The following SSR3 variants were observed in gnomAD, a reference collection of about 807,000 sequenced individuals.
SSR3 encodes the protein signal sequence receptor subunit 3.
In SSR3, 10 loss-of-function variants were observed where a neutral mutation model predicts 22.1. The observed-to-expected ratio is 0.45, with a 90% CI of 0.28 to 0.77. The LOEUF (loss-of-function observed/expected upper bound fraction) is 0.77, where lower values mean the gene tolerates loss of function less well. SSR3 is among the 30% of genes least tolerant of loss of function. SSR3 has a pLI of 0.13. For missense variants in SSR3, 181 were observed against 220.5 expected (o/e 0.82, Z 1.13); for synonymous variants, 104 against 82.5 (o/e 1.26, Z -1.42).
chr3:156,539,612 G>A lies in SSR3; in HGVS notation c.*3591C>T, dbSNP rs1172041576. 6.6e-6 allele frequency among the ~76,000 whole-genome samples: 1 copy of A among 151,856 alleles called. No individual in the cohort carries two copies. The highest frequency in any genetic ancestry group is 1.9e-4 in the East Asian group (1 of 5,200). ...GGCCAACGAGAAGTTAGCCTCTATC[G>A]CCCTGAAAATTTAAACCAACCCCCC... On this transcript the variant is annotated 3_prime_UTR_variant, in exon 5 of 5. Coordinates refer to ENST00000265044, the MANE Select transcript of SSR3 (RefSeq NM_007107.5).
Position 156,555,103 on chromosome 3 carries a change from G to C in SSR3, c.-14C>G, listed in dbSNP as rs975162316. 1.2e-6 allele frequency: 2 copies of C among 1,612,094 alleles called. No individual in the cohort carries two copies. Among genetic ancestry groups the C allele is most frequent in the African/African-American group, 2.7e-5 (2 of 74,918 alleles). ...TTTAGGAGCCATGGCGGAGCTGCAG[G>C]CGAGAACAGGGAACGTAGAGCCGGC... On this transcript the variant is annotated 5_prime_UTR_variant, in exon 1 of 5. Coordinates refer to ENST00000265044, the MANE Select transcript of SSR3 (RefSeq NM_007107.5).
In SSR3 at chr3:156,544,305, TAC is replaced by T; in HGVS notation, c.491+1_491+2del. On this transcript the variant is annotated splice_donor_variant, in intron 4 of 4. Coordinates refer to ENST00000265044, the MANE Select transcript of SSR3 (RefSeq NM_007107.5). LOFTEE classifies it high-confidence loss of function. ...AAAAGATAATCAACCTTGAAAAGGA[TAC>T]ACTGTGGGGTTGAAGTTCTTCAATA... 1 of 1,570,742 alleles carries T rather than the reference TAC, an allele frequency of 6.4e-7. No homozygotes were observed. Among genetic ancestry groups the T allele is most frequent in the Non-Finnish European group, 8.6e-7 (1 of 1,160,884 alleles).
intron 3 of SSR3, among the ~76,000 whole-genome samples, chr3:156,544,720 C>T (rs574192342): frequency 2.6e-5 from 4 of 152,284 alleles, no homozygotes; most frequent in Admixed American, 6.5e-5. Flanking sequence ...GCAACCCGCA[C>T]GGTTTCATCA....
At chr3:156,544,182 G>T in intron 4 of SSR3, 126 bp downstream of exon 4, 1 of 699,550 alleles carries the variant, frequency 1.4e-6, no homozygotes, top group Non-Finnish European at 2.1e-6. Context: ...TCTAAAGTCA[G>T]CACTATTTAA....
rs111258639 is a variant in SSR3, at chr3:156,543,116, G to T, written c.*87C>A. 178 of 1,143,188 alleles carry T rather than the reference G, an allele frequency of 1.6e-4. 1 individual carries two copies. Among genetic ancestry groups the T allele is most frequent in the Non-Finnish European group, 2.1e-4 (164 of 777,550 alleles). 70.8% of individuals were successfully genotyped at this position (1,143,188 alleles called of 1,614,324 possible). On this transcript the variant is annotated 3_prime_UTR_variant, in exon 5 of 5. Transcript: ENST00000265044. ...AGGCTCTAGACTATAAAAACATCTTGTGTCTCCCACCCTGACCACCCTGCT... is the reference window on the plus strand; with the variant it reads ...AGGCTCTAGACTATAAAAACATCTTTTGTCTCCCACCCTGACCACCCTGCT...
At chr3:156,553,143 G>A (rs1720025048) in intron 2 of SSR3, among the ~76,000 whole-genome samples, 1 of 152,142 alleles carries the variant, frequency 6.6e-6, no homozygotes, top group African/African-American at 2.4e-5. Flanking sequence ...TGTAGGCCCA[G>A]CTACTTGGGA....
intron 2 of SSR3, among the ~76,000 whole-genome samples, chr3:156,552,397 A>C (rs1053679045): frequency 3.7e-4 from 56 of 152,230 alleles, no homozygotes; most frequent in Non-Finnish European, 8.8e-5. Flanking sequence ...TCATTGGATA[A>C]AACAAGGAAA....
At chr3:156,546,506 C>T (rs550241296) in intron 3 of SSR3, among the ~76,000 whole-genome samples, 1 of 152,170 alleles carries the variant, frequency 6.6e-6, no homozygotes, top group Admixed American at 6.5e-5. Context: ...AATATGACCA[C>T]GTGTTAGTTA....
rs1284733764 is a variant in SSR3, at chr3:156,542,227, T to A, written c.*976A>T. ...TCCCCAAGGGCTAAAGAGATAAATA[T>A]CTTGCTCACAATCAATGGGAACCTG... On this transcript the variant is annotated 3_prime_UTR_variant, in exon 5 of 5. Transcript: ENST00000265044. 2.0e-5 allele frequency: 3 copies of A among 152,224 alleles called. No homozygotes were observed. Among genetic ancestry groups the A allele is most frequent in the African/African-American group, 7.2e-5 (3 of 41,452 alleles). The allele number at this position is 152,224 out of a possible 1,614,324, so 9.4% of individuals were successfully genotyped here.
Position 156,555,114 on chromosome 3 carries a change from G to T in SSR3, c.-25C>A, listed in dbSNP as rs371566548. The T allele has an allele frequency of 3.7e-6, 6 of 1,610,024 alleles. No individual in the cohort carries two copies. Among genetic ancestry groups the T allele is most frequent in the African/African-American group, 2.7e-5 (2 of 74,898 alleles). On this transcript the variant is annotated 5_prime_UTR_variant, in exon 1 of 5. Coordinates refer to ENST00000265044, the MANE Select transcript of SSR3 (RefSeq NM_007107.5). ...TGGCGGAGCTGCAGGCGAGAACAGG[G>T]AACGTAGAGCCGGCCGCCAAGGCGG...
rs776532370 is a variant in SSR3 at position 156,553,660 on chromosome 3, C to T, written c.255G>A (p.Lys85=). The change falls in exon 2 of 5, where the codon AAG becomes AAA. Residue 85 remains lysine (K), a synonymous_variant. Coordinates refer to ENST00000265044, the MANE Select transcript of SSR3 (RefSeq NM_007107.5). ...CACTTGAAAAACATACTTACTTGTG[C>T]TTGAGAACAAATTTCACATTCTTGT... ...FAYKNVKFVL[K]HKVAQKREDA... is the part of the protein sequence containing the mutation. 6.2e-7 allele frequency: 1 copy of T among 1,610,734 alleles called. No individual in the cohort carries two copies. Among genetic ancestry groups the T allele is most frequent in the Admixed American group, 1.7e-5 (1 of 59,726 alleles).
chr3:156,544,556 G>C, intron 3 of SSR3, 117 bp from the exon 4 acceptor site: 1 of 737,144 alleles, frequency 1.4e-6, no homozygotes, highest in Non-Finnish European at 2.0e-6. Flanking sequence ...TCTAGGGTAA[G>C]AATGTGTTTG....
rs1003426823 is a variant in SSR3 at position 156,554,795 on chromosome 3, C to T, written c.133+162G>A. On this transcript the variant is annotated intron_variant, in intron 1 of 4. Coordinates refer to ENST00000265044, the MANE Select transcript of SSR3 (RefSeq NM_007107.5). ...GACAATCCCAAGCGACAACACTGTG[C>T]CCAAAGAAGAGGCTCCGTGCCTCCC... 5.5e-5 allele frequency: 50 copies of T among 909,978 alleles called. No individual in the cohort carries two copies. The East Asian group carries it at 9.3e-4, about 17-fold the overall frequency. The allele number at this position is 909,978 out of a possible 1,614,324, so 56.4% of individuals were successfully genotyped here. A position where few individuals can be genotyped will look rare whatever the true frequency, so the allele number is the denominator to read the frequency against.
At chr3:156,553,253 C>A (rs562614244) in intron 2 of SSR3, among the ~76,000 whole-genome samples, 7 of 148,508 alleles carry the variant, frequency 4.7e-5, no homozygotes, top group Admixed American at 4.7e-4. Flanking sequence ...TAGACCTTGT[C>A]TCAAAAAATA....
rs1719360144 is a variant in SSR3 at position 156,539,830 on chromosome 3, G to GA, written c.*3372dup. 6.6e-6 allele frequency among the ~76,000 whole-genome samples: 1 copy of GA among 152,198 alleles called. No homozygotes were observed. Among genetic ancestry groups the GA allele is most frequent in the Admixed American group, 6.5e-5 (1 of 15,288 alleles). ...GAAAACAAAGAAATAGGGCAGGCAG[G>GA]AAGGCACAGCAGGTACATACTGGCA... On this transcript the variant is annotated 3_prime_UTR_variant, in exon 5 of 5. Coordinates refer to ENST00000265044, the MANE Select transcript of SSR3 (RefSeq NM_007107.5).
At chr3:156,544,125 A>G in intron 4 of SSR3, 183 bp downstream of exon 4, 1 of 458,242 alleles carries the variant, frequency 2.2e-6, no homozygotes, top group Non-Finnish European at 3.7e-6. Context: ...CATAAACTTA[A>G]AAGAATCTTA....
rs995821589 is a variant in SSR3 at position 156,543,334 on chromosome 3, A to G, written c.492-65T>C. ...AAATTGGTTTTTTGAGAAAATAAAG[A>G]GCCCATCTCTTTGGAATGTACTGCT... On this transcript the variant is annotated intron_variant, in intron 4 of 4. Transcript: ENST00000265044. The G allele has an allele frequency of 2.3e-6, 3 of 1,282,788 alleles. No homozygotes were observed. The African/African-American group carries it at 4.5e-5, about 19-fold the overall frequency. 79.5% of individuals were successfully genotyped at this position (1,282,788 alleles called of 1,614,324 possible).
rs958799736 is a variant in SSR3, at chr3:156,542,098, T to C, written c.*1105A>G. On this transcript the variant is annotated 3_prime_UTR_variant, in exon 5 of 5. Transcript: ENST00000265044. ...TGTGATTTCATATCCTTTTAGCTGA[T>C]ATTGCTAAAGAGCTTCCCAAACTTT... 1 of 152,220 alleles carries C rather than the reference T, an allele frequency of 6.6e-6. No individual in the cohort carries two copies. Among genetic ancestry groups the C allele is most frequent in the Non-Finnish European group, 1.5e-5 (1 of 68,030 alleles). 9.4% of individuals were successfully genotyped at this position (152,220 alleles called of 1,614,324 possible). A position where few individuals can be genotyped will look rare whatever the true frequency, so the allele number is the denominator to read the frequency against.
At chr3:156,550,446 C>G (rs1425739280) in intron 2 of SSR3, among the ~76,000 whole-genome samples, 2 of 152,186 alleles carry the variant, frequency 1.3e-5, no homozygotes, top group Non-Finnish European at 2.9e-5. Context: ...TTATCCTCAC[C>G]TACCAGGGGC....
Sources: gnomAD v4.1 joint callset for allele counts (sites outside exome capture counted in the v4.1 genomes callset) on GRCh38, gnomAD v4.1.1 for gene constraint, MANE v1.5 for transcripts, NCBI Gene and HGNC (gene_info 2026-07-23, HGNC 2026-07-21) for gene names.